Variants in CIMIP2A observed in about 807,000 individuals in gnomAD.
CIMIP2A encodes the protein family with sequence similarity 166 member A.
chr9:137,253,513 A>AC, the CIMIP2A span: 4 of 1,415,962 alleles, frequency 2.8e-6, no homozygotes, highest in Non-Finnish European at 2.8e-6. Context: ...TCTGTCCTTC[A>AC]CCCGGGGGCG....
the CIMIP2A span, chr9:137,245,395 CCCTT>C: frequency 5.0e-6 from 8 of 1,613,630 alleles, no homozygotes; most frequent in Non-Finnish European, 6.8e-6. Context: ...TCTGGAGTCT[CCCTT>C]CCTGCCTGGT....
the CIMIP2A span, chr9:137,245,843 A>G: frequency 6.6e-7 from 1 of 1,507,398 alleles, no homozygotes; most frequent in East Asian, 2.3e-5. Flanking sequence ...TGCGGAAAGA[A>G]GCCGGCATAG....
At chr9:137,253,440 C>T in the CIMIP2A span, 1 of 1,441,150 alleles carries the variant, frequency 6.9e-7, no homozygotes, top group South Asian at 1.5e-5. Context: ...GATCCCCCAT[C>T]TGCCCATCTC....
At chr9:137,251,224 G>A in the CIMIP2A span, 1,985 of 1,122,402 alleles carry the variant, frequency 1.8e-3, 21 homozygotes, top group South Asian at 0.013. Context: ...AGCAACAGAG[G>A]GGCCTACCAG....
chr9:137,244,582 C>G, the CIMIP2A span: 1 of 1,595,374 alleles, frequency 6.3e-7, no homozygotes, highest in Non-Finnish European at 8.6e-7. Context: ...GGGAAGCTGC[C>G]AGGCAGGAGA....
the CIMIP2A span, chr9:137,245,575 C>A: frequency 4.3e-6 from 7 of 1,613,696 alleles, no homozygotes; most frequent in Non-Finnish European, 5.9e-6. Context: ...AACAGGGCAG[C>A]CTGTGAGTGC....
the CIMIP2A span, chr9:137,245,355 C>A: frequency 1.9e-6 from 3 of 1,608,028 alleles, no homozygotes; most frequent in South Asian, 3.3e-5. Flanking sequence ...TCTTCCAGGC[C>A]TCTTCCCCGT....
the CIMIP2A span, among the ~76,000 whole-genome samples, chr9:137,246,767 GA>G: frequency 9.5e-5 from 14 of 147,260 alleles, no homozygotes; most frequent in East Asian, 3.9e-4. Flanking sequence ...CGTCTCAAAA[GA>G]AAAAAAAAAG....
the CIMIP2A span, among the ~76,000 whole-genome samples, chr9:137,247,933 G>C: frequency 6.6e-6 from 1 of 152,222 alleles, no homozygotes; most frequent in Non-Finnish European, 1.5e-5. Context: ...CGGTGAGGCA[G>C]GTGGTCCGGG....
At chr9:137,253,617 G>T in the CIMIP2A span, 1 of 801,606 alleles carries the variant, frequency 1.2e-6, no homozygotes, top group Non-Finnish European at 1.8e-6. Flanking sequence ...TCTTCTCTAG[G>T]GTGGCAGCCT....
chr9:137,251,729 C>T, the CIMIP2A span: 4 of 1,557,920 alleles, frequency 2.6e-6, no homozygotes, highest in Non-Finnish European at 3.5e-6. Flanking sequence ...CTGCTGGTCT[C>T]CCTTGCAGGC....
the CIMIP2A span, among the ~76,000 whole-genome samples, chr9:137,247,178 C>T: frequency 2.6e-5 from 4 of 152,020 alleles, no homozygotes; most frequent in Non-Finnish European, 4.4e-5. Flanking sequence ...CCAGCTACTC[C>T]GGAAGCTGAG....
chr9:137,243,946 T>C, the CIMIP2A span, among the ~76,000 whole-genome samples: 1 of 152,136 alleles, frequency 6.6e-6, no homozygotes, highest in Non-Finnish European at 1.5e-5. Flanking sequence ...CTGTTCCAGG[T>C]ACCCAACCTT....
chr9:137,244,564 A>G, the CIMIP2A span: 3 of 1,577,206 alleles, frequency 1.9e-6, no homozygotes, highest in South Asian at 2.3e-5. Context: ...CCTTCAAGGC[A>G]CCCTCCAGGG....
At chr9:137,252,285 C>T in the CIMIP2A span, 2 of 1,344,964 alleles carry the variant, frequency 1.5e-6, no homozygotes. Context: ...GTAAGGAGGC[C>T]TGGAGAGAGG....
At chr9:137,246,446 G>A in the CIMIP2A span, among the ~76,000 whole-genome samples, 2 of 152,336 alleles carry the variant, frequency 1.3e-5, no homozygotes, top group South Asian at 2.1e-4. Context: ...ATCTTTCAAG[G>A]AGTGAGAACT....
chr9:137,253,467 G>T, the CIMIP2A span: 2 of 1,433,144 alleles, frequency 1.4e-6, no homozygotes, highest in African/African-American at 1.4e-5. Context: ...ACACTGAGAT[G>T]CTGTTGGTTT....
chr9:137,248,198 A>G, the CIMIP2A span, among the ~76,000 whole-genome samples: 1 of 152,184 alleles, frequency 6.6e-6, no homozygotes, highest in Non-Finnish European at 1.5e-5. Context: ...TTACATTTTA[A>G]GCAAATCCTG....
chr9:137,251,502 G>A, the CIMIP2A span: 1 of 1,020,670 alleles, frequency 9.8e-7, no homozygotes, highest in Non-Finnish European at 1.5e-6. Flanking sequence ...GGGGACTGAG[G>A]GACAGTGTGG....
Sources: gnomAD v4.1 joint callset for allele counts (sites outside exome capture counted in the v4.1 genomes callset) on GRCh38, gnomAD v4.1.1 for gene constraint, MANE v1.5 for transcripts, NCBI Gene and HGNC (gene_info 2026-07-23, HGNC 2026-07-21) for gene names.